ADAMTS20: variants seen among roughly 807,000 people sequenced by gnomAD.
ADAMTS20 encodes the protein ADAM metallopeptidase with thrombospondin type 1 motif 20, also known as A disintegrin and metalloproteinase with thrombospondin motifs 20.
ADAMTS20 carries 225 observed loss-of-function variants against 260.1 expected under a neutral mutation model. That is an observed-to-expected ratio of 0.87 (90% CI 0.78 to 0.97). The LOEUF (loss-of-function observed/expected upper bound fraction) is 0.97, where lower values mean the gene tolerates loss of function less well. Among genes scored for constraint, ADAMTS20 ranks in the 50% least tolerant of loss-of-function variants. The pLI, the probability that ADAMTS20 is intolerant of heterozygous loss-of-function variation, is 0.00. For missense variants in ADAMTS20, 2,400 were observed against 2,337.7 expected (o/e 1.03, Z -0.55); for synonymous variants, 802 against 769.5 (o/e 1.04, Z -0.70).
Position 43,502,211 on chromosome 12 carries a change from T to G in ADAMTS20, c.808A>C (p.Lys270Gln), listed in dbSNP as rs1349606398. 17 of 1,610,888 alleles carry G rather than the reference T, an allele frequency of 1.1e-5. No homozygotes were observed. Among genetic ancestry groups the G allele is most frequent in the Non-Finnish European group, 1.4e-5 (17 of 1,178,760 alleles). Residue 270 changes from lysine (K) to glutamine (Q), a missense_variant, in exon 4 of 39, where the codon AAA becomes CAA. Coordinates refer to ENST00000389420, the MANE Select transcript of ADAMTS20 (RefSeq NM_025003.5). Reference protein sequence around the residue: ...YIEIMVTADAKVVSAHGSNLQ... With the variant: ...YIEIMVTADAQVVSAHGSNLQ... ...TTCGATCCATGAGCAGAAACCACTT[T>G]AGCATCAGCTGTAACCATAATTTCA...
intron 18 of ADAMTS20, among the ~76,000 whole-genome samples, chr12:43,438,522 T>C (rs1014237412): frequency 6.6e-6 from 1 of 152,168 alleles, no homozygotes; most frequent in Non-Finnish European, 1.5e-5. Flanking sequence ...AATAGGAACA[T>C]TTGTTCCCAT....
chr12:43,405,224 C>G lies in ADAMTS20; in HGVS notation c.4285-5991G>C, dbSNP rs1347275752. 1.9e-4 allele frequency among the ~76,000 whole-genome samples: 11 copies of G among 57,156 alleles called. No homozygotes were observed. The Admixed American group carries it at 3.3e-3, about 17-fold the overall frequency. The allele number at this position is 57,156 out of a possible 152,430, so 37.5% of individuals were successfully genotyped here. A position where few individuals can be genotyped will look rare whatever the true frequency, so the allele number is the denominator to read the frequency against. On this transcript the variant is annotated intron_variant, in intron 28 of 38. Coordinates refer to ENST00000389420, the MANE Select transcript of ADAMTS20 (RefSeq NM_025003.5). ...GCCTGGTAACAAAATGAGACCTCAT[C>G]TCTACAAAAAAAAAAAAAAAAAAAA...
At chr12:43,435,376 C>G (rs964270161) in intron 18 of ADAMTS20, among the ~76,000 whole-genome samples, 1 of 152,084 alleles carries the variant, frequency 6.6e-6, no homozygotes, top group Non-Finnish European at 1.5e-5. Flanking sequence ...CGTGTTGGCT[C>G]ACACCTGTAA....
intron 12 of ADAMTS20, among the ~76,000 whole-genome samples, 166 bp downstream of exon 12, chr12:43,453,741 C>A (rs1941912168): frequency 6.6e-6 from 1 of 150,896 alleles, no homozygotes; most frequent in Non-Finnish European, 1.5e-5. Context: ...TTTTAAATGT[C>A]TGAATCTACC....
chr12:43,522,709 T>C (rs1208788812), intron 3 of ADAMTS20, among the ~76,000 whole-genome samples: 1 of 152,230 alleles, frequency 6.6e-6, no homozygotes, highest in Non-Finnish European at 1.5e-5. Flanking sequence ...TTTTGTTTGA[T>C]GGTGGTGTTT....
At chr12:43,362,058 A>C (rs1478597946) in intron 37 of ADAMTS20, among the ~76,000 whole-genome samples, 2 of 152,142 alleles carry the variant, frequency 1.3e-5, no homozygotes, top group Non-Finnish European at 1.5e-5. Context: ...CTTATCTCTA[A>C]TTACATCAAA....
At chr12:43,509,056 T>C (rs1942886225) in intron 3 of ADAMTS20, among the ~76,000 whole-genome samples, 2 of 152,332 alleles carry the variant, frequency 1.3e-5, no homozygotes, top group African/African-American at 4.8e-5. Context: ...GGCTTCCAAC[T>C]GTACCTATGT....
chr12:43,464,425 A>G (rs1942117395), intron 10 of ADAMTS20, among the ~76,000 whole-genome samples, 166 bp downstream of exon 10: 1 of 152,212 alleles, frequency 6.6e-6, no homozygotes, highest in South Asian at 2.1e-4. Context: ...CATAATAAGT[A>G]GTCAATAAGT....
chr12:43,381,488 T>TG (rs1940349723), intron 31 of ADAMTS20, among the ~76,000 whole-genome samples: 1 of 151,048 alleles, frequency 6.6e-6, no homozygotes, highest in Non-Finnish European at 1.5e-5. Context: ...ACTCACCCAG[T>TG]GAAAAAATGA....
intron 2 of ADAMTS20, among the ~76,000 whole-genome samples, chr12:43,538,186 C>T (rs1943323582): frequency 6.6e-6 from 1 of 152,154 alleles, no homozygotes. Flanking sequence ...TTTGTTATTG[C>T]CTGTTTTTTG....
At chr12:43,466,271 G>T (rs1942150035) in intron 9 of ADAMTS20, among the ~76,000 whole-genome samples, 1 of 151,856 alleles carries the variant, frequency 6.6e-6, no homozygotes, top group African/African-American at 2.4e-5. Context: ...CCTCAAACTT[G>T]AGCCACTCAA....
chr12:43,501,626 C>G (rs190771014), intron 4 of ADAMTS20, among the ~76,000 whole-genome samples: 1 of 151,952 alleles, frequency 6.6e-6, no homozygotes, highest in East Asian at 1.9e-4. Context: ...GATCAAGGAC[C>G]CTTAGAGTTA....
chr12:43,397,132 A>G (rs1035183137), intron 29 of ADAMTS20, among the ~76,000 whole-genome samples: 2 of 152,230 alleles, frequency 1.3e-5, no homozygotes, highest in Non-Finnish European at 2.9e-5. Flanking sequence ...TATTGGAAAC[A>G]TAATAATTTA....
In ADAMTS20 at chr12:43,388,350, G is replaced by A. The variant is rs146041722; in HGVS notation, c.4453-4373C>T. On this transcript the variant is annotated intron_variant, in intron 29 of 38. Transcript: ENST00000389420. ...TCCTGCCTGCTTCTGTTCACCCTCC[G>A]TGGGCTGTACCCACTGTCTAACCAG... Among the ~76,000 whole-genome samples the A allele has an allele frequency of 1.0e-3, 157 of 152,228 alleles. 1 individual carries two copies. Among genetic ancestry groups the A allele is most frequent in the African/African-American group, 3.4e-3 (143 of 41,550 alleles).
chr12:43,421,295 A>AAAAAC lies in ADAMTS20; in HGVS notation c.4284+4218_4284+4219insGTTTT, dbSNP rs1226236169. ...AGCTTTCATTTACAAAAAAAAAAAA[A>AAAAAC]AAACTTTCTCTTTTTTTGTGTGAGG... On this transcript the variant is annotated intron_variant, in intron 28 of 38. Transcript: ENST00000389420. Among the ~76,000 whole-genome samples the AAAAAC allele has an allele frequency of 1.1e-4, 16 of 151,736 alleles. No individual in the cohort carries two copies. In the South Asian group the frequency reaches 3.1e-3, roughly 30 times the overall value.
chr12:43,411,522 C>T (rs987645854), intron 28 of ADAMTS20, among the ~76,000 whole-genome samples: 5 of 152,088 alleles, frequency 3.3e-5, no homozygotes, highest in Non-Finnish European at 5.9e-5. Context: ...CGCCCACCAC[C>T]ACGCCCAGAT....
intron 6 of ADAMTS20, among the ~76,000 whole-genome samples, chr12:43,491,622 A>C (rs1424591854): frequency 2.6e-5 from 4 of 152,206 alleles, no homozygotes; most frequent in Admixed American, 2.6e-4. Context: ...TTGCTTGTAA[A>C]ATGAATAATA....
rs377619076 is a variant in ADAMTS20 at position 43,551,149 on chromosome 12, C to A, written c.213G>T (p.Leu71=). ...AGTGGGTTCGGAACGGCATGGGTTC[C>A]AGCGCCTCGGAGCTGCGTTTCTGCC... ...FSRQKRSSEA[L]EPMPFRTHYR... The change falls in exon 2 of 39, where the codon CTG becomes CTT. Residue 71 remains leucine (L), a synonymous_variant. Transcript: ENST00000389420. This position sits in a 1 kb window ranked among gnomAD's most constrained non-coding sequence, Gnocchi z 4.6. 1 of 1,613,832 alleles carries A rather than the reference C, an allele frequency of 6.2e-7. No individual in the cohort carries two copies. The highest frequency in any genetic ancestry group is 1.3e-5 in the African/African-American group (1 of 74,936).
rs146693479 is a variant in ADAMTS20, at chr12:43,499,245, G to A, written c.867+2907C>T. On this transcript the variant is annotated intron_variant, in intron 4 of 38. Transcript: ENST00000389420. ...AGCTTAACACAAACCAGATGACTGC[G>A]TCTATAAAAATTCTGTCTTCAACAG... Among the ~76,000 whole-genome samples, 920 of 152,164 alleles carry A rather than the reference G, an allele frequency of 6.0e-3. 3 individuals carry two copies. Among genetic ancestry groups the A allele is most frequent in the Middle Eastern group, 0.01 (3 of 294 alleles).
Sources: allele counts gnomAD v4.1 joint callset (sites outside exome capture counted in the v4.1 genomes callset), GRCh38; gene constraint gnomAD v4.1.1; non-coding constraint Gnocchi (gnomAD v3.1); transcripts MANE v1.5; gene names NCBI Gene and HGNC (gene_info 2026-07-23, HGNC 2026-07-21).